The following GLRA3 variants were observed in gnomAD, a reference collection of about 807,000 sequenced individuals.
The protein encoded by GLRA3 is glycine receptor alpha 3.
Under a neutral mutation model 60.4 loss-of-function variants are expected in GLRA3, and 44 were observed. The observed-to-expected ratio is 0.73, with a 90% confidence interval of 0.57 to 0.94. The LOEUF is 0.94. Ranked by LOEUF, GLRA3 falls within the 40% of genes least tolerant of loss-of-function variation. GLRA3 has a pLI of 0.00. For synonymous variants in GLRA3, 223 were observed against 192.9 expected (o/e 1.16, Z -1.29); for missense variants, 508 against 564.6 (o/e 0.90, Z 1.02).
intron 2 of GLRA3, among the ~76,000 whole-genome samples, chr4:174,775,895 AAAT>A (rs58284857): frequency 0.73 from 109,101 of 150,140 alleles, 39,737 homozygotes; most frequent in East Asian, 0.99. Flanking sequence ...AATGGAAAAA[AAAT>A]AATAATTAGT....
At chr4:174,810,649 A>C (rs1209658279) in intron 1 of GLRA3, among the ~76,000 whole-genome samples, 1 of 152,132 alleles carries the variant, frequency 6.6e-6, no homozygotes, top group Non-Finnish European at 1.5e-5. Flanking sequence ...TTACCTAAGT[A>C]ATTGTAAGTG....
At position 174,789,629 on chromosome 4, in the gene GLRA3, T is replaced by C. The variant is rs573437986; in HGVS notation, c.72-686A>G. Among the ~76,000 whole-genome samples, 8 of 152,256 alleles carry C rather than the reference T, an allele frequency of 5.3e-5. No individual in the cohort carries two copies. In the East Asian group the frequency reaches 1.5e-3, roughly 29 times the overall value. ...GAAAGGTAGTGTGTTCCTATATTCT[T>C]TTCATTCAATTTTTTCCTTTGTGTC... is the stretch of plus-strand genomic sequence containing the variant. On this transcript the variant is annotated intron_variant, in intron 1 of 9. Transcript: ENST00000274093.
chr4:174,658,806 G>A (rs972033488), intron 8 of GLRA3, among the ~76,000 whole-genome samples: 10 of 152,066 alleles, frequency 6.6e-5, no homozygotes, highest in African/African-American at 1.4e-4. Context: ...TCCAGGAAGC[G>A]CATTAAAAAG....
chr4:174,778,906 C>A (rs1327967934), intron 2 of GLRA3, among the ~76,000 whole-genome samples: 1 of 152,218 alleles, frequency 6.6e-6, no homozygotes, highest in African/African-American at 2.4e-5. Context: ...GGGCGCCCGC[C>A]ATTGCCCAGG....
chr4:174,764,841 T>A (rs1738078773), intron 3 of GLRA3, among the ~76,000 whole-genome samples: 3 of 152,212 alleles, frequency 2.0e-5, no homozygotes, highest in African/African-American at 7.2e-5. Context: ...ATCACAGCTA[T>A]TTTAGCTGAT....
chr4:174,748,090 G>A (rs1186339872), intron 3 of GLRA3, among the ~76,000 whole-genome samples: 1 of 152,164 alleles, frequency 6.6e-6, no homozygotes, highest in Non-Finnish European at 1.5e-5. Context: ...CATATGTGTA[G>A]CAAAGGCAGT....
chr4:174,715,300 C>T (rs1224701573), intron 5 of GLRA3, among the ~76,000 whole-genome samples, 188 bp downstream of exon 5: 1 of 152,078 alleles, frequency 6.6e-6, no homozygotes, highest in Non-Finnish European at 1.5e-5. Context: ...CAATTTGTTT[C>T]TTTCTCATAG....
chr4:174,677,553 T>C (rs1734183337), intron 6 of GLRA3, among the ~76,000 whole-genome samples: 1 of 149,736 alleles, frequency 6.7e-6, no homozygotes, highest in Admixed American at 6.7e-5. Context: ...AGAGATGTGG[T>C]TTCACCATGT....
chr4:174,668,963 A>G (rs1733795152), intron 7 of GLRA3, among the ~76,000 whole-genome samples: 1 of 152,100 alleles, frequency 6.6e-6, no homozygotes, highest in Non-Finnish European at 1.5e-5. Flanking sequence ...AATGTCAAGT[A>G]AACTGTGATG....
At chr4:174,820,428 C>T (rs1410476995) in intron 1 of GLRA3, among the ~76,000 whole-genome samples, 2 of 152,166 alleles carry the variant, frequency 1.3e-5, no homozygotes, top group East Asian at 1.9e-4. Context: ...ATGCTAGACA[C>T]TCTTTTAAGC....
intron 5 of GLRA3, among the ~76,000 whole-genome samples, chr4:174,695,436 A>G (rs1284929637): frequency 2.6e-5 from 4 of 152,170 alleles, no homozygotes; most frequent in African/African-American, 9.6e-5. Context: ...GGTTCAACAT[A>G]TGCAAATCGA....
intron 5 of GLRA3, among the ~76,000 whole-genome samples, chr4:174,708,098 C>G (rs2111072032): frequency 6.6e-6 from 1 of 152,212 alleles, no homozygotes; most frequent in South Asian, 2.1e-4. Context: ...ACTCAGCAAA[C>G]AAGAACCATC....
chr4:174,658,725 C>T (rs1034858484), intron 8 of GLRA3, among the ~76,000 whole-genome samples: 6 of 152,112 alleles, frequency 3.9e-5, no homozygotes, highest in Non-Finnish European at 7.4e-5. Flanking sequence ...TCAAGTGAAA[C>T]TATTAGAAAT....
intron 4 of GLRA3, among the ~76,000 whole-genome samples, chr4:174,718,836 A>G (rs1476825362): frequency 6.6e-6 from 1 of 152,214 alleles, no homozygotes; most frequent in Non-Finnish European, 1.5e-5. Flanking sequence ...AAGAATAGGT[A>G]AATGATATCA....
intron 1 of GLRA3, among the ~76,000 whole-genome samples, chr4:174,798,597 T>C (rs937221308): frequency 2.6e-5 from 4 of 152,114 alleles, no homozygotes; most frequent in African/African-American, 9.7e-5. Flanking sequence ...ACATTAATAA[T>C]TAAAAAAAGA....
At chr4:174,648,946 C>T (rs1732933965) in intron 9 of GLRA3, among the ~76,000 whole-genome samples, 1 of 152,282 alleles carries the variant, frequency 6.6e-6, no homozygotes, top group South Asian at 2.1e-4. Context: ...TGGCAGCGGA[C>T]TCCACTAAGG....
chr4:174,710,039 C>T (rs1378597944), intron 5 of GLRA3, among the ~76,000 whole-genome samples: 1 of 151,436 alleles, frequency 6.6e-6, no homozygotes. Flanking sequence ...TTCCAAATAG[C>T]CTCTAGGAAA....
chr4:174,646,039 T>C (rs1480701492), intron 9 of GLRA3, among the ~76,000 whole-genome samples: 1 of 152,196 alleles, frequency 6.6e-6, no homozygotes, highest in African/African-American at 2.4e-5. Flanking sequence ...TTTTAAACTA[T>C]AGCAACCTAT....
Position 174,728,687 on chromosome 4 carries a change from C to T in GLRA3, c.279G>A (p.Val93=). 6.4e-7 allele frequency: 1 copy of T among 1,570,290 alleles called. No homozygotes were observed. Among genetic ancestry groups the T allele is most frequent in the African/African-American group, 1.4e-5 (1 of 73,628 alleles). The stretch of plus-strand genomic sequence containing the variant: ...TCCATTTCTGACGAAGAAAGATATT[C>T]ACTCTGTAATCCTATGATAAAATAA... ...SIAETTMDYR[V]NIFLRQKWND... Residue 93 remains valine, a synonymous_variant, in exon 4 of 10, where the codon GTG becomes GTA. Transcript: ENST00000274093.
Sources: allele counts gnomAD v4.1 joint callset (sites outside exome capture counted in the v4.1 genomes callset), GRCh38; gene constraint gnomAD v4.1.1; transcripts MANE v1.5; gene names NCBI Gene and HGNC (gene_info 2026-07-23, HGNC 2026-07-21).